The following ZFHX3 variants were observed in gnomAD, a reference collection of about 807,000 sequenced individuals.
ZFHX3 encodes the protein zinc finger homeobox 3, also known as zinc finger homeobox protein 3.
In ZFHX3, 42 loss-of-function variants were observed where a neutral mutation model predicts 279.1. That is an observed-to-expected ratio of 0.15 (90% CI 0.12 to 0.19). The LOEUF (loss-of-function observed/expected upper bound fraction) is 0.19, where lower values mean the gene tolerates loss of function less well. ZFHX3 is among the 10% of genes least tolerant of loss of function. The pLI is 1.00. For missense variants in ZFHX3, 4,981 were observed against 4,754.0 expected (o/e 1.05, Z -1.40); for synonymous variants, 2,293 against 1,957.8 (o/e 1.17, Z -4.52).
chr16:73,376,509 A>G (rs1259995777), intron 3 of ZFHX3, among the ~76,000 whole-genome samples: 1 of 152,194 alleles, frequency 6.6e-6, no homozygotes, highest in Non-Finnish European at 1.5e-5. Flanking sequence ...ATCCCCTGAA[A>G]TCATTTATTA....
intron 3 of ZFHX3, among the ~76,000 whole-genome samples, chr16:72,922,577 C>G (rs760086990): frequency 1.6e-4 from 25 of 152,188 alleles, no homozygotes; most frequent in Non-Finnish European, 2.6e-4. Context: ...ACCCAGGGAC[C>G]ATGGTGACAG....
intron 2 of ZFHX3, among the ~76,000 whole-genome samples, chr16:73,560,107 TTC>T (rs1259209921): frequency 1.3e-5 from 2 of 152,222 alleles, no homozygotes; most frequent in Admixed American, 1.3e-4. Flanking sequence ...GTCAAGTTCC[TTC>T]TCTGTTTTGC....
intron 2 of ZFHX3, among the ~76,000 whole-genome samples, chr16:73,677,706 T>A (rs191188750): frequency 1.3e-5 from 2 of 152,104 alleles, no homozygotes; most frequent in Non-Finnish European, 1.5e-5. Context: ...CAAACTTGAT[T>A]CAAATAGAAA....
chr16:73,050,953 G>A (rs1965437133), upstream of ZFHX3, among the ~76,000 whole-genome samples: 1 of 152,192 alleles, frequency 6.6e-6, no homozygotes, highest in Non-Finnish European at 1.5e-5. Context: ...CTAACGCTGA[G>A]CTGGCTGGTA....
At chr16:73,063,453 A>G (rs933121754), upstream of ZFHX3, among the ~76,000 whole-genome samples, 1 of 152,106 alleles carries the variant, frequency 6.6e-6, no homozygotes, top group Non-Finnish European at 1.5e-5. Flanking sequence ...TTTCTGGTAG[A>G]GATGCGGGGT....
intron 1 of ZFHX3, among the ~76,000 whole-genome samples, chr16:73,000,670 C>T (rs1963459823): frequency 6.6e-6 from 1 of 152,186 alleles, no homozygotes; most frequent in African/African-American, 2.4e-5. Flanking sequence ...TGGATGTTTT[C>T]AGCGGCCAAA....
At chr16:72,854,067 G>A (rs1263500423) in intron 4 of ZFHX3, among the ~76,000 whole-genome samples, 1 of 152,206 alleles carries the variant, frequency 6.6e-6, no homozygotes, top group Non-Finnish European at 1.5e-5. Flanking sequence ...GAGGGTCCTG[G>A]CAGCTCCAGC....
intron 9 of ZFHX3, 34 bp from the exon 10 acceptor site, chr16:72,788,882 T>A: frequency 6.6e-7 from 1 of 1,514,398 alleles, no homozygotes; most frequent in Middle Eastern, 1.8e-4. Flanking sequence ...CACCGGTCAG[T>A]CTGGGCAGGG....
intron 4 of ZFHX3, among the ~76,000 whole-genome samples, chr16:72,875,482 T>C (rs1398294008): frequency 6.6e-6 from 1 of 152,252 alleles, no homozygotes; most frequent in Non-Finnish European, 1.5e-5. Context: ...CACAGCCTGC[T>C]AGAGGCCAGA....
At chr16:72,829,695 C>G in intron 5 of ZFHX3, 84 bp downstream of exon 5, 1 of 1,486,000 alleles carries the variant, frequency 6.7e-7, no homozygotes. Context: ...GACTTGTTAG[C>G]TCCATTCTTC....
chr16:73,395,887 C>G (rs753008809), intron 3 of ZFHX3, among the ~76,000 whole-genome samples: 3 of 152,172 alleles, frequency 2.0e-5, no homozygotes, highest in Non-Finnish European at 2.9e-5. Flanking sequence ...TTTGTTTCCC[C>G]ACACACCAGT....
rs199690727 is a variant in ZFHX3 at position 73,107,381 on chromosome 16, C to G, written c.-896-13783G>C. Among the ~76,000 whole-genome samples, 4 of 152,102 alleles carry G rather than the reference C, an allele frequency of 2.6e-5. No individual in the cohort carries two copies. In the East Asian group the frequency reaches 7.7e-4, roughly 29 times the overall value. ...CTCTTTAGTTTTATATATTTCATAT[C>G]AAACCTTATTGAAAAAAGGATATAA... On this transcript the variant is annotated intron_variant, in intron 7 of 17. Coordinates refer to the ZFHX3 transcript ENST00000641206.
At chr16:73,019,292 C>T (rs1445357225) in intron 1 of ZFHX3, among the ~76,000 whole-genome samples, 1 of 152,122 alleles carries the variant, frequency 6.6e-6, no homozygotes, top group Non-Finnish European at 1.5e-5. Flanking sequence ...GACGCCAAGC[C>T]CCAGAAGGGC....
At position 72,957,530 on chromosome 16, in the gene ZFHX3, C is replaced by A. The variant is rs202236544; in HGVS notation, c.2616G>T (p.Leu872=). ...YQYYLAQNMN[L]PNLKMDSAAS... ...CAGCACTGTCCATCTTCAGGTTGGG[C>A]AGGTTCATGTTCTGGGCCAGGTAGT... is the stretch of plus-strand genomic sequence containing the variant. Residue 872 remains leucine, a synonymous_variant, in exon 2 of 10, where the codon CTG becomes CTT. Coordinates refer to ENST00000268489, the MANE Select transcript of ZFHX3 (RefSeq NM_006885.4). The A allele has an allele frequency of 6.2e-7, 1 of 1,614,132 alleles. No homozygotes were observed. Among genetic ancestry groups the A allele is most frequent in the Non-Finnish European group, 8.5e-7 (1 of 1,180,030 alleles).
intron 4 of ZFHX3, among the ~76,000 whole-genome samples, chr16:73,305,468 G>T (rs1301114550): frequency 6.6e-6 from 1 of 151,982 alleles, no homozygotes; most frequent in Non-Finnish European, 1.5e-5. Flanking sequence ...GAGATGTTAT[G>T]GTCAGAAAGA....
At chr16:73,641,381 C>A (rs775237475) in intron 2 of ZFHX3, among the ~76,000 whole-genome samples, 8 of 152,030 alleles carry the variant, frequency 5.3e-5, no homozygotes, top group Non-Finnish European at 7.4e-5. Flanking sequence ...TAACTGCCCA[C>A]GCTGGAGTGG....
At chr16:72,985,390 C>A (rs1422053411) in intron 1 of ZFHX3, among the ~76,000 whole-genome samples, 4 of 152,176 alleles carry the variant, frequency 2.6e-5, no homozygotes, top group Non-Finnish European at 5.9e-5. Context: ...CTGTAAAAGT[C>A]AAATGTGGAT....
chr16:72,970,451 A>G (rs910612925), intron 1 of ZFHX3, among the ~76,000 whole-genome samples: 1 of 152,142 alleles, frequency 6.6e-6, no homozygotes, highest in African/African-American at 2.4e-5. Flanking sequence ...ACAACAAGAA[A>G]GACAAGCATC....
At chr16:73,630,078 G>C (rs965635862) in intron 2 of ZFHX3, among the ~76,000 whole-genome samples, 5 of 151,914 alleles carry the variant, frequency 3.3e-5, no homozygotes, top group Non-Finnish European at 5.9e-5. Context: ...AATTGGTCTA[G>C]ACAGGTGTCA....
Sources: allele counts gnomAD v4.1 joint callset (sites outside exome capture counted in the v4.1 genomes callset), GRCh38; gene constraint gnomAD v4.1.1; transcripts MANE v1.5; gene names NCBI Gene and HGNC (gene_info 2026-07-23, HGNC 2026-07-21).